The following IKZF1 variants were observed in gnomAD, a reference collection of about 807,000 sequenced individuals.
IKZF1 encodes IKAROS family zinc finger 1.
Under a neutral mutation model 51.7 loss-of-function variants are expected in IKZF1, and 10 were observed. That is an observed-to-expected ratio of 0.19 (90% confidence interval 0.12 to 0.33). IKZF1 has a LOEUF of 0.33. Ranked by LOEUF, IKZF1 falls within the 10% of genes least tolerant of loss-of-function variation. The probability of loss-of-function intolerance (pLI) is 1.00; values close to 1 mark genes in which losing one functional copy is unlikely to be tolerated. For synonymous variants in IKZF1, 280 were observed against 282.3 expected (o/e 0.99, Z 0.08); for missense variants, 484 against 707.5 (o/e 0.68, Z 3.58).
At chr7:50,319,149 C>T (rs779488578) in intron 2 of IKZF1, 48 bp downstream of exon 2, 2 of 1,564,312 alleles carry the variant, frequency 1.3e-6, no homozygotes, top group African/African-American at 1.4e-5. Context: ...AGAAAAGCTT[C>T]CCTGGGGCCG....
chr7:50,314,706 G>A (rs1584403787), intron 1 of IKZF1, among the ~76,000 whole-genome samples: 1 of 152,332 alleles, frequency 6.6e-6, no homozygotes, highest in East Asian at 1.9e-4. Flanking sequence ...AGAAAAGAGA[G>A]GGGAGCTGGA....
intron 3 of IKZF1, among the ~76,000 whole-genome samples, chr7:50,359,717 C>T (rs1258333651): frequency 1.3e-5 from 2 of 152,248 alleles, no homozygotes; most frequent in Non-Finnish European, 2.9e-5. Context: ...ACCAGATGCA[C>T]CCACCCAATT....
At chr7:50,306,072 G>A (rs927158381) in intron 1 of IKZF1, among the ~76,000 whole-genome samples, 1 of 152,142 alleles carries the variant, frequency 6.6e-6, no homozygotes. Context: ...AATTATTTCC[G>A]TGACAAATCA....
intron 1 of IKZF1, among the ~76,000 whole-genome samples, chr7:50,305,911 G>T (rs544270528): frequency 6.6e-5 from 10 of 152,232 alleles, no homozygotes; most frequent in Admixed American, 6.5e-5. Flanking sequence ...GAGTCGAGGG[G>T]TGGGGGGGAC....
chr7:50,352,011 A>C (rs550808105), intron 3 of IKZF1, among the ~76,000 whole-genome samples: 25 of 152,250 alleles, frequency 1.6e-4, no homozygotes, highest in Non-Finnish European at 3.4e-4. Flanking sequence ...AAACCCCTTA[A>C]GCAGAGAAGA....
chr7:50,325,161 TC>T (rs1284395234), intron 2 of IKZF1, among the ~76,000 whole-genome samples: 1 of 151,782 alleles, frequency 6.6e-6, no homozygotes. Context: ...GGTCCCTGCC[TC>T]CCCAAATTGC....
chr7:50,350,841 C>T (rs1801688532), intron 3 of IKZF1, among the ~76,000 whole-genome samples: 1 of 152,208 alleles, frequency 6.6e-6, no homozygotes, highest in African/African-American at 2.4e-5. Context: ...AGCGCTTTAT[C>T]CCTGCGTGCT....
At chr7:50,357,054 G>C (rs1485559005) in intron 3 of IKZF1, among the ~76,000 whole-genome samples, 1 of 151,906 alleles carries the variant, frequency 6.6e-6, no homozygotes, top group East Asian at 1.9e-4. Flanking sequence ...GAGGGCCATG[G>C]GTGTGTGATT....
intron 3 of IKZF1, among the ~76,000 whole-genome samples, chr7:50,364,796 C>T (rs114253315): frequency 6.6e-6 from 1 of 152,208 alleles, no homozygotes; most frequent in African/African-American, 2.4e-5. Context: ...TGCATACTCA[C>T]CTGCTCTGTG....
chr7:50,336,929 C>CT (rs1279284490), intron 3 of IKZF1, among the ~76,000 whole-genome samples: 1 of 152,116 alleles, frequency 6.6e-6, no homozygotes, highest in Non-Finnish European at 1.5e-5. Flanking sequence ...CTTTAATTGT[C>CT]TAAGAGAGGA....
chr7:50,327,648 C>G lies in IKZF1; in HGVS notation c.51C>G (p.Ser17Arg). The change falls in exon 3 of 8, where the codon AGC becomes AGG. Residue 17 changes from serine to arginine, a missense_variant. This residue lies in a region of IKZF1 where 118 missense variants were observed against 138.4 expected (regional missense o/e 0.85). Transcript: ENST00000331340. ...QDMSQVSGKE[S>R]PPVSDTPDEG... ...CTTCTTTCTCATCAGGGAAGGAAAG[C>G]CCCCCTGTAAGCGATACTCCAGATG... 1 of 1,611,990 alleles carries G rather than the reference C, an allele frequency of 6.2e-7. No individual in the cohort carries two copies. The highest frequency in any genetic ancestry group is 8.5e-7 in the Non-Finnish European group (1 of 1,178,932).
At chr7:50,368,456 A>AT in intron 3 of IKZF1, 1 of 608,250 alleles carries the variant, frequency 1.6e-6, no homozygotes, top group African/African-American at 1.8e-5. Context: ...AATTTTTACA[A>AT]TTTTGTGGGA....
Position 50,400,695 on chromosome 7 carries a change from C to G in IKZF1, c.*68C>G. 6.6e-7 allele frequency: 1 copy of G among 1,510,564 alleles called. No homozygotes were observed. Among genetic ancestry groups the G allele is most frequent in the Non-Finnish European group, 8.9e-7 (1 of 1,123,386 alleles). The allele number at this position is 1,510,564 out of a possible 1,614,324, so 93.6% of individuals were successfully genotyped here. A position where few individuals can be genotyped will look rare whatever the true frequency, so the allele number is the denominator to read the frequency against. ...AAAAGCACAAGGACTGCCGCCTTCT[C>G]GCTCCCGCCAGCAGCATAGACTGGA... is the stretch of plus-strand genomic sequence containing the variant. On this transcript the variant is annotated 3_prime_UTR_variant, in exon 8 of 8. Coordinates refer to ENST00000331340, the MANE Select transcript of IKZF1 (RefSeq NM_006060.6). The surrounding 1 kb of genome is among the most constrained non-coding windows in gnomAD (Gnocchi z 5.4).
chr7:50,380,132 T>C (rs1282801072), intron 4 of IKZF1, among the ~76,000 whole-genome samples: 1 of 152,162 alleles, frequency 6.6e-6, no homozygotes, highest in African/African-American at 2.4e-5. Context: ...CGTGTCTTCT[T>C]AGCTGTGGAC....
chr7:50,385,868 T>C (rs1268359846), intron 5 of IKZF1, among the ~76,000 whole-genome samples: 1 of 152,246 alleles, frequency 6.6e-6, no homozygotes, highest in African/African-American at 2.4e-5. Flanking sequence ...TCACTTTATA[T>C]AGATAAAGAA....
intron 2 of IKZF1, among the ~76,000 whole-genome samples, chr7:50,321,608 A>G (rs947528587): frequency 3.3e-5 from 5 of 152,198 alleles, no homozygotes; most frequent in African/African-American, 1.2e-4. Context: ...GGTGCATTTA[A>G]AGAAAATGAG....
Position 50,323,289 on chromosome 7 carries a change from G to A in IKZF1, c.40+4188G>A, listed in dbSNP as rs1400565340. The stretch of plus-strand genomic sequence containing the variant: ...ACAGGGAGTCAGAGATTGCTCTGGG[G>A]TGTGATCCCCACTTGGACCCTAGAG... On this transcript the variant is annotated intron_variant, in intron 2 of 7. Coordinates refer to ENST00000331340, the MANE Select transcript of IKZF1 (RefSeq NM_006060.6). Among the ~76,000 whole-genome samples the A allele has an allele frequency of 2.0e-5, 3 of 152,180 alleles. No individual in the cohort carries two copies. The East Asian group carries it at 5.8e-4, about 29-fold the overall frequency.
At chr7:50,345,105 A>G (rs200320411) in intron 3 of IKZF1, among the ~76,000 whole-genome samples, 34 of 152,010 alleles carry the variant, frequency 2.2e-4, no homozygotes, top group Non-Finnish European at 7.4e-5. Flanking sequence ...GGAGTCTGTG[A>G]AGGTCACACC....
chr7:50,306,591 A>G (rs903726828), intron 1 of IKZF1, among the ~76,000 whole-genome samples: 6 of 152,254 alleles, frequency 3.9e-5, no homozygotes, highest in Non-Finnish European at 7.3e-5. Context: ...TGGATGTGTT[A>G]GGTTTGACCC....
Sources: gnomAD v4.1 joint callset for allele counts (sites outside exome capture counted in the v4.1 genomes callset) on GRCh38, gnomAD v4.1.1 for gene constraint, gnomAD v4.1.1 regional missense constraint, Gnocchi (gnomAD v3.1) non-coding constraint, MANE v1.5 for transcripts, NCBI Gene and HGNC (gene_info 2026-07-23, HGNC 2026-07-21) for gene names.